SGCZ: variants seen among roughly 807,000 people sequenced by gnomAD.
SGCZ encodes zeta-sarcoglycan.
SGCZ carries 40 observed loss-of-function variants against 41.3 expected under a neutral mutation model. The ratio of observed to expected loss-of-function variants is 0.97; its 90% CI spans 0.75 to 1.26. The LOEUF (loss-of-function observed/expected upper bound fraction) is 1.26. SGCZ is among the 50% of genes most tolerant of loss of function. The pLI is 0.00. For missense variants in SGCZ, 552 were observed against 369.8 expected, an observed-to-expected ratio of 1.49 and a Z score of -4.04; for synonymous variants, 206 against 137.5, an observed-to-expected ratio of 1.50 and a Z score of -3.49.
intron 4 of SGCZ, among the ~76,000 whole-genome samples, chr8:14,228,871 A>G (rs1232875788): frequency 2.6e-5 from 4 of 152,172 alleles, no homozygotes; most frequent in Non-Finnish European, 4.4e-5. Context: ...ATTCATTGAC[A>G]TATAGGCATG....
intron 4 of SGCZ, among the ~76,000 whole-genome samples, chr8:14,183,503 A>G (rs1201170917): frequency 1.3e-5 from 2 of 152,224 alleles, no homozygotes; most frequent in East Asian, 3.8e-4. Flanking sequence ...TATGCACAGT[A>G]TCTGCACATT....
At chr8:15,143,546 T>G (rs1229082848) in intron 1 of SGCZ, among the ~76,000 whole-genome samples, 3 of 152,196 alleles carry the variant, frequency 2.0e-5, no homozygotes, top group Admixed American at 2.0e-4. Flanking sequence ...TTAAGTACCA[T>G]TTAGGTTTTA....
chr8:14,389,371 A>T (rs1293378184), intron 2 of SGCZ, among the ~76,000 whole-genome samples: 1 of 151,886 alleles, frequency 6.6e-6, no homozygotes, highest in African/African-American at 2.4e-5. Flanking sequence ...TAAAAAAGTA[A>T]ATCATGTTCA....
chr8:14,202,755 C>T (rs547691756), intron 4 of SGCZ, among the ~76,000 whole-genome samples: 1 of 152,148 alleles, frequency 6.6e-6, no homozygotes, highest in East Asian at 1.9e-4. Flanking sequence ...CATCTTCTTC[C>T]TTCCTAAACA....
intron 2 of SGCZ, among the ~76,000 whole-genome samples, chr8:14,553,504 A>C (rs1803935866): frequency 6.6e-6 from 1 of 151,684 alleles, no homozygotes; most frequent in African/African-American, 2.4e-5. Flanking sequence ...CAAAATTATA[A>C]TTTATTGGAA....
intron 2 of SGCZ, among the ~76,000 whole-genome samples, chr8:14,338,906 C>T (rs1432558209): frequency 1.3e-5 from 2 of 152,284 alleles, no homozygotes; most frequent in East Asian, 1.9e-4. Flanking sequence ...CACATTTCTG[C>T]ACAGTCATTG....
chr8:14,629,262 A>G (rs182594552), intron 1 of SGCZ, among the ~76,000 whole-genome samples: 2 of 152,256 alleles, frequency 1.3e-5, no homozygotes, highest in East Asian at 1.9e-4. Context: ...TGTGATTTGC[A>G]TATCAATAAA....
At chr8:14,203,428 A>G (rs1805520148) in intron 4 of SGCZ, among the ~76,000 whole-genome samples, 1 of 152,168 alleles carries the variant, frequency 6.6e-6, no homozygotes, top group East Asian at 1.9e-4. Flanking sequence ...AATACCTAAT[A>G]CAATTCTTTT....
At chr8:14,753,838 C>T (rs891045042) in intron 1 of SGCZ, among the ~76,000 whole-genome samples, 2 of 152,222 alleles carry the variant, frequency 1.3e-5, no homozygotes, top group African/African-American at 2.4e-5. Flanking sequence ...ACAACTTTCA[C>T]TAGCTGCAAT....
At chr8:14,274,178 T>C (rs28449644) in intron 3 of SGCZ, among the ~76,000 whole-genome samples, 2 of 152,260 alleles carry the variant, frequency 1.3e-5, no homozygotes, top group African/African-American at 2.4e-5. Flanking sequence ...TGTTTTTGCT[T>C]TTTCAAACGG....
intron 1 of SGCZ, among the ~76,000 whole-genome samples, chr8:15,090,455 G>A (rs922123074): frequency 2.6e-5 from 4 of 152,170 alleles, no homozygotes; most frequent in African/African-American, 9.7e-5. Flanking sequence ...AGAGAACAAA[G>A]AGCTCTAAGT....
intron 3 of SGCZ, among the ~76,000 whole-genome samples, chr8:14,290,327 TA>T (rs1563237740): frequency 3.2e-5 from 2 of 63,034 alleles, no homozygotes; most frequent in African/African-American, 8.9e-5. Flanking sequence ...CAAAAGAAAA[TA>T]TAGACACATG....
chr8:14,851,765 G>A (rs577944278), intron 1 of SGCZ, among the ~76,000 whole-genome samples: 66 of 152,192 alleles, frequency 4.3e-4, no homozygotes, highest in African/African-American at 1.6e-3. Context: ...TGCTGGAGAT[G>A]TTTGGACTTC....
At chr8:14,356,711 C>A (rs546980397) in intron 2 of SGCZ, among the ~76,000 whole-genome samples, 1 of 151,802 alleles carries the variant, frequency 6.6e-6, no homozygotes, top group Non-Finnish European at 1.5e-5. Flanking sequence ...AAAAATTAAA[C>A]CTATTTGATT....
At chr8:14,791,100 T>A (rs1304834607) in intron 1 of SGCZ, among the ~76,000 whole-genome samples, 1 of 152,096 alleles carries the variant, frequency 6.6e-6, no homozygotes, top group Admixed American at 6.6e-5. Context: ...ATTGCTATTA[T>A]AACAAAAATC....
At chr8:15,047,261 T>C (rs1372943607) in intron 1 of SGCZ, among the ~76,000 whole-genome samples, 1 of 152,060 alleles carries the variant, frequency 6.6e-6, no homozygotes, top group Non-Finnish European at 1.5e-5. Flanking sequence ...CGGATAAAGT[T>C]TGACAAAAGG....
intron 3 of SGCZ, among the ~76,000 whole-genome samples, chr8:14,311,397 T>C (rs1292685991): frequency 6.6e-6 from 1 of 152,108 alleles, no homozygotes; most frequent in Middle Eastern, 3.2e-3. Context: ...TGGTTTTCTG[T>C]TATTTTTGGT....
intron 1 of SGCZ, among the ~76,000 whole-genome samples, chr8:14,729,639 G>A (rs557324738): frequency 2.0e-4 from 25 of 127,182 alleles, no homozygotes; most frequent in Admixed American, 7.7e-4. Context: ...CATCCAGAGC[G>A]TTAAAAATCA....
At chr8:15,051,706 A>C (rs140818560) in intron 1 of SGCZ, among the ~76,000 whole-genome samples, 368 of 152,270 alleles carry the variant, frequency 2.4e-3, no homozygotes, top group African/African-American at 8.2e-3. Context: ...CCTGACTGTG[A>C]GTGATATCTC....
Sources: allele counts gnomAD v4.1 joint callset (sites outside exome capture counted in the v4.1 genomes callset), GRCh38; gene constraint gnomAD v4.1.1; transcripts MANE v1.5; gene names NCBI Gene and HGNC (gene_info 2026-07-23, HGNC 2026-07-21).